The following DMXL1 variants were observed in gnomAD, a reference collection of about 807,000 sequenced individuals.
DMXL1 encodes dmX-like protein 1.
Under a neutral mutation model 319.2 loss-of-function variants are expected in DMXL1, and 99 were observed. That is an observed-to-expected ratio of 0.31 (90% CI 0.26 to 0.37). The LOEUF (loss-of-function observed/expected upper bound fraction) is 0.37. Among genes scored for constraint, DMXL1 ranks in the 10% least tolerant of loss-of-function variants. The pLI, the probability that DMXL1 is intolerant of heterozygous loss-of-function variation, is 1.00. For synonymous variants in DMXL1, 1,385 were observed against 1,235.2 expected, an observed-to-expected ratio of 1.12 and a Z score of -2.54; for missense variants, 3,745 against 3,595.6, an observed-to-expected ratio of 1.04 and a Z score of -1.06.
chr5:119,120,903 T>A, intron 8 of DMXL1, 68 bp from the exon 9 acceptor site: 1 of 1,236,124 alleles, frequency 8.1e-7, no homozygotes. Flanking sequence ...CTTCTGACAA[T>A]CATTATATAA....
chr5:119,139,909 T>C (rs974506338), intron 13 of DMXL1, among the ~76,000 whole-genome samples: 1 of 152,050 alleles, frequency 6.6e-6, no homozygotes, highest in Non-Finnish European at 1.5e-5. Context: ...AGAACCAAAA[T>C]CATACCAAAC....
intron 19 of DMXL1, among the ~76,000 whole-genome samples, chr5:119,158,447 T>A (rs527379943): frequency 1.1e-4 from 16 of 152,328 alleles, no homozygotes; most frequent in African/African-American, 3.8e-4. Context: ...ACTTCTTTAT[T>A]TCCTATTTGG....
intron 42 of DMXL1, 141 bp from the exon 43 acceptor site, chr5:119,244,218 T>C (rs1455732772): frequency 2.1e-5 from 14 of 658,734 alleles, no homozygotes; most frequent in South Asian, 1.6e-4. Context: ...TCTGAAATCA[T>C]TGGTTTTTAT....
chr5:119,116,413 G>C (rs1230613294), intron 7 of DMXL1, 77 bp downstream of exon 7: 4 of 1,472,718 alleles, frequency 2.7e-6, no homozygotes, highest in African/African-American at 2.8e-5. Flanking sequence ...TCTCACTTTT[G>C]AGAGTCCATA....
chr5:119,105,468 G>A (rs1284788533), intron 4 of DMXL1, among the ~76,000 whole-genome samples: 5 of 152,132 alleles, frequency 3.3e-5, no homozygotes, highest in Non-Finnish European at 7.3e-5. Context: ...TGCCATAATA[G>A]GATACCCATT....
At chr5:119,114,183 T>C (rs1344727416) in intron 5 of DMXL1, among the ~76,000 whole-genome samples, 1 of 152,220 alleles carries the variant, frequency 6.6e-6, no homozygotes, top group African/African-American at 2.4e-5. Flanking sequence ...GATTTTCAGA[T>C]TTAAAAAATG....
At chr5:119,077,757 G>GTT (rs749341913) in intron 1 of DMXL1, among the ~76,000 whole-genome samples, 37 of 99,442 alleles carry the variant, frequency 3.7e-4, no homozygotes, top group African/African-American at 1.2e-3. Context: ...TTTTTTAAGT[G>GTT]TGTGTGTGTG....
In DMXL1 at chr5:119,203,315, G is replaced by C. The variant is rs563621380; in HGVS notation, c.7746-4G>C. The C allele has an allele frequency of 3.3e-5, 51 of 1,558,898 alleles. No individual in the cohort carries two copies. The highest frequency in any genetic ancestry group is 1.3e-4 in the South Asian group (11 of 81,848). ...ATCATTAAATTTGCTGTCTCTCTCTGTAGATCCAAACACCATCTGGCACTG... is the reference window on the plus strand; with the variant it reads ...ATCATTAAATTTGCTGTCTCTCTCTCTAGATCCAAACACCATCTGGCACTG... On this transcript the variant is annotated splice_region_variant and splice_polypyrimidine_tract_variant and intron_variant, in intron 32 of 43. Transcript: ENST00000539542.
intron 6 of DMXL1, 121 bp from the exon 7 acceptor site, chr5:119,116,037 C>G (rs543200684): frequency 1.2e-6 from 1 of 851,568 alleles, no homozygotes; most frequent in African/African-American, 1.7e-5. Flanking sequence ...TTCCTCTGTG[C>G]TCAACGTCTC....
chr5:119,193,766 G>C, intron 29 of DMXL1, 62 bp from the exon 30 acceptor site: 1 of 1,462,290 alleles, frequency 6.8e-7, no homozygotes, highest in Non-Finnish European at 9.5e-7. Flanking sequence ...CTATTAGACT[G>C]TATGTTTGAA....
intron 29 of DMXL1, 54 bp downstream of exon 29, chr5:119,189,940 T>C (rs1778417436): frequency 6.6e-7 from 1 of 1,513,740 alleles, no homozygotes; most frequent in African/African-American, 1.4e-5. Context: ...GAAATGAGAA[T>C]ATCAGAAATA....
chr5:119,115,810 C>T (rs536373682), intron 6 of DMXL1, among the ~76,000 whole-genome samples: 3 of 152,136 alleles, frequency 2.0e-5, no homozygotes, highest in East Asian at 3.9e-4. Context: ...CTTCATAAGT[C>T]TGCTAGTGGT....
chr5:119,164,765 C>A, intron 20 of DMXL1, 89 bp downstream of exon 20: 1 of 1,219,776 alleles, frequency 8.2e-7, no homozygotes, highest in Non-Finnish European at 1.1e-6. Flanking sequence ...CCATTACTCC[C>A]TCTTGTTTTT....
In DMXL1 at chr5:119,152,094, G is replaced by A. The variant is rs527377566; in HGVS notation, c.4702+58G>A. The A allele has an allele frequency of 2.1e-4, 253 of 1,214,318 alleles. No homozygotes were observed. In the Middle Eastern group the frequency reaches 3.1e-3, roughly 15 times the overall value. The allele number at this position is 1,214,318 out of a possible 1,614,324, so 75.2% of individuals were successfully genotyped here. ...AAAGCGAGTAGAAAATGAGAGACTT[G>A]GGAGTTTTTAAACTTGTTTTTACCC... On this transcript the variant is annotated intron_variant, in intron 19 of 43. Coordinates refer to ENST00000539542, the MANE Select transcript of DMXL1 (RefSeq NM_001290321.3).
chr5:119,195,664 G>C (rs1010509873), intron 30 of DMXL1, among the ~76,000 whole-genome samples: 1 of 152,138 alleles, frequency 6.6e-6, no homozygotes, highest in Admixed American at 6.5e-5. Context: ...TGGTTGCACA[G>C]CAATGTGAAT....
chr5:119,177,943 T>A (rs1034526864), intron 27 of DMXL1, 53 bp from the exon 28 acceptor site: 14 of 1,464,392 alleles, frequency 9.6e-6, no homozygotes, highest in Admixed American at 2.4e-5. Context: ...AGTTAATTTT[T>A]AAAATTTTAA....
chr5:119,159,826 G>A (rs1771896702), intron 19 of DMXL1, among the ~76,000 whole-genome samples: 2 of 152,200 alleles, frequency 1.3e-5, no homozygotes, highest in South Asian at 4.1e-4. Context: ...GTTTTGCCAT[G>A]TTGGCCAGGC....
chr5:119,163,223 C>G (rs1772651163), intron 19 of DMXL1, among the ~76,000 whole-genome samples: 1 of 151,956 alleles, frequency 6.6e-6, no homozygotes, highest in Admixed American at 6.6e-5. Context: ...AAGATAGTTC[C>G]ATGATTATTT....
intron 20 of DMXL1, 43 bp downstream of exon 20, chr5:119,164,719 G>T: frequency 6.6e-7 from 1 of 1,512,562 alleles, no homozygotes; most frequent in South Asian, 1.4e-5. Context: ...AATATTTTTT[G>T]GACGTTTCTT....
Sources: allele counts gnomAD v4.1 joint callset (sites outside exome capture counted in the v4.1 genomes callset), GRCh38; gene constraint gnomAD v4.1.1; transcripts MANE v1.5; gene names NCBI Gene and HGNC (gene_info 2026-07-23, HGNC 2026-07-21).